The following TRAM2 variants were observed in gnomAD, a reference collection of about 807,000 sequenced individuals.
TRAM2 encodes the protein translocating chain-associated membrane protein 2.
Under a neutral mutation model 51.0 loss-of-function variants are expected in TRAM2, and 12 were observed. The observed-to-expected ratio is 0.24, with a 90% CI of 0.15 to 0.38. The LOEUF is 0.38. TRAM2 is among the 10% of genes least tolerant of loss of function. The pLI is 1.00. For synonymous variants in TRAM2, 175 were observed against 179.4 expected (o/e 0.98, Z 0.20); for missense variants, 361 against 462.0 (o/e 0.78, Z 2.00).
At chr6:52,561,285 G>A (rs764843425) in intron 1 of TRAM2, among the ~76,000 whole-genome samples, 5 of 152,082 alleles carry the variant, frequency 3.3e-5, no homozygotes, top group Non-Finnish European at 1.5e-5. Flanking sequence ...TTTTTTGTTC[G>A]TCTGTTTGTT....
intron 2 of TRAM2, among the ~76,000 whole-genome samples, chr6:52,534,673 C>T (rs542320379): frequency 6.6e-6 from 1 of 152,296 alleles, no homozygotes; most frequent in African/African-American, 2.4e-5. Context: ...GTATTTCTAC[C>T]TAAAAAGAGA....
In TRAM2 at chr6:52,522,851, T is replaced by C. The variant is rs554773662; in HGVS notation, c.185-6114A>G. The C allele has an allele frequency of 2.6e-4, 184 of 699,972 alleles. No homozygotes were observed. In the African/African-American group the frequency reaches 2.9e-3, roughly 11 times the overall value. 43.4% of individuals were successfully genotyped at this position (699,972 alleles called of 1,614,324 possible). ...GCTTGACCTCCTGCTCCGTTTCCTA[T>C]GACTAATAGATATTTTCCTGTTTCC... On this transcript the variant is annotated intron_variant, in intron 2 of 10. Coordinates refer to ENST00000182527, the MANE Select transcript of TRAM2 (RefSeq NM_012288.4).
chr6:52,565,507 C>A (rs977660771), intron 1 of TRAM2, among the ~76,000 whole-genome samples: 10 of 152,046 alleles, frequency 6.6e-5, no homozygotes, highest in African/African-American at 2.4e-4. Context: ...GGTATGGGAG[C>A]TAATACAATT....
At chr6:52,503,445 T>C (rs1468628991) in intron 10 of TRAM2, among the ~76,000 whole-genome samples, 175 bp from the exon 11 acceptor site, 1 of 152,108 alleles carries the variant, frequency 6.6e-6, no homozygotes, top group Admixed American at 6.5e-5. Context: ...AGCAGACGGC[T>C]CCCAGGAGGG....
chr6:52,549,730 A>C (rs1767275884), intron 1 of TRAM2, among the ~76,000 whole-genome samples: 1 of 152,206 alleles, frequency 6.6e-6, no homozygotes, highest in African/African-American at 2.4e-5. Context: ...AATGGGTTTA[A>C]GTGGTGCTTG....
At chr6:52,535,294 CAGAG>C (rs1368123371) in intron 2 of TRAM2, among the ~76,000 whole-genome samples, 1 of 152,192 alleles carries the variant, frequency 6.6e-6, no homozygotes, top group East Asian at 1.9e-4. Context: ...ATGAAGAAGA[CAGAG>C]AGCAGAAGAG....
At chr6:52,526,590 T>C (rs927735054) in intron 2 of TRAM2, among the ~76,000 whole-genome samples, 1 of 152,146 alleles carries the variant, frequency 6.6e-6, no homozygotes, top group Non-Finnish European at 1.5e-5. Flanking sequence ...GGTTTCACCA[T>C]GTTGGCCAGG....
intron 1 of TRAM2, among the ~76,000 whole-genome samples, chr6:52,570,024 C>T (rs1767651554): frequency 6.6e-6 from 1 of 152,164 alleles, no homozygotes; most frequent in African/African-American, 2.4e-5. Context: ...ATCTCCCAGC[C>T]AATGAGGGTC....
intron 4 of TRAM2, 81 bp downstream of exon 4, chr6:52,515,925 G>A (rs1019071969): frequency 4.9e-6 from 6 of 1,223,088 alleles, no homozygotes; most frequent in Non-Finnish European, 4.8e-6. Context: ...GTCCTTTGCA[G>A]TCATTTGATT....
rs758788008 is a variant in TRAM2, at chr6:52,508,255, T to C, written c.534A>G (p.Leu178=). 10 of 1,614,048 alleles carry C rather than the reference T, an allele frequency of 6.2e-6. No individual in the cohort carries two copies. Among genetic ancestry groups the C allele is most frequent in the South Asian group, 2.2e-5 (2 of 91,060 alleles). ...TCACCTTCCGTACCTTCTGGAAGTA[T>C]AGCTCAGGAAGTGCGTGCAGCCAGT... is the stretch of plus-strand genomic sequence containing the variant. ...LAYWLHALPE[L]YFQKVRKEEI... The change falls in exon 6 of 11, where the codon CTA becomes CTG. Residue 178 remains leucine (L), a synonymous_variant. Transcript: ENST00000182527.
At chr6:52,551,948 C>G (rs1767317015) in intron 1 of TRAM2, among the ~76,000 whole-genome samples, 1 of 152,262 alleles carries the variant, frequency 6.6e-6, no homozygotes, top group Non-Finnish European at 1.5e-5. Flanking sequence ...ACAGCATCTC[C>G]CAAGCCAATT....
intron 2 of TRAM2, among the ~76,000 whole-genome samples, chr6:52,521,875 C>T (rs903195105): frequency 2.0e-5 from 3 of 152,176 alleles, no homozygotes; most frequent in Non-Finnish European, 4.4e-5. Flanking sequence ...ATAATCTATT[C>T]TATTTTTTTA....
At chr6:52,536,942 C>T (rs1266093047) in intron 1 of TRAM2, among the ~76,000 whole-genome samples, 1 of 152,188 alleles carries the variant, frequency 6.6e-6, no homozygotes, top group African/African-American at 2.4e-5. Context: ...GGGTGGAGGA[C>T]AAACACACTG....
chr6:52,525,524 T>C (rs180785480), intron 2 of TRAM2, among the ~76,000 whole-genome samples: 1 of 152,242 alleles, frequency 6.6e-6, no homozygotes, highest in East Asian at 1.9e-4. Flanking sequence ...TTAAAAAATA[T>C]TTGGGCCAGG....
Position 52,561,487 on chromosome 6 carries a change from CTT to C in TRAM2, c.120+15307_120+15308del, listed in dbSNP as rs61175622. Among the ~76,000 whole-genome samples the C allele has an allele frequency of 3.4e-3, 442 of 130,232 alleles. 4 individuals carry two copies. Among genetic ancestry groups the C allele is most frequent in the African/African-American group, 9.7e-3 (353 of 36,570 alleles). The allele number at this position is 130,232 out of a possible 152,430, so 85.4% of individuals were successfully genotyped here. On this transcript the variant is annotated intron_variant, in intron 1 of 10. Coordinates refer to ENST00000182527, the MANE Select transcript of TRAM2 (RefSeq NM_012288.4). ...TTTAGTAGAGATGGAGTTTCTTTTT[CTT>C]TTTTTTTTTTTTTTGAGACGGAGTC... is the stretch of plus-strand genomic sequence containing the variant.
intron 1 of TRAM2, among the ~76,000 whole-genome samples, chr6:52,573,470 T>A (rs1411214966): frequency 6.6e-6 from 1 of 152,130 alleles, no homozygotes; most frequent in Non-Finnish European, 1.5e-5. Flanking sequence ...TTCCTGACAT[T>A]TTTTAGCCAA....
intron 1 of TRAM2, among the ~76,000 whole-genome samples, chr6:52,557,724 C>T (rs1256255513): frequency 6.6e-6 from 1 of 152,094 alleles, no homozygotes; most frequent in Non-Finnish European, 1.5e-5. Context: ...TCATAATAAA[C>T]CTTTTCCAAA....
chr6:52,533,356 T>G (rs1413858944), intron 2 of TRAM2, among the ~76,000 whole-genome samples: 1 of 152,172 alleles, frequency 6.6e-6, no homozygotes, highest in African/African-American at 2.4e-5. Context: ...CAAGAGTAAA[T>G]AAGCCCGGAT....
At chr6:52,556,229 G>A (rs1038336241) in intron 1 of TRAM2, among the ~76,000 whole-genome samples, 1 of 152,012 alleles carries the variant, frequency 6.6e-6, no homozygotes, top group African/African-American at 2.4e-5. Context: ...GGGGCTCAGA[G>A]GTCACCGAGA....
Sources: allele counts gnomAD v4.1 joint callset (sites outside exome capture counted in the v4.1 genomes callset), GRCh38; gene constraint gnomAD v4.1.1; transcripts MANE v1.5; gene names NCBI Gene and HGNC (gene_info 2026-07-23, HGNC 2026-07-21).